The following PTK2 variants were observed in gnomAD, a reference collection of about 807,000 sequenced individuals.
PTK2 encodes protein tyrosine kinase 2, also known as focal adhesion kinase 1.
PTK2 carries 45 observed loss-of-function variants against 150.1 expected under a neutral mutation model. The ratio of observed to expected loss-of-function variants is 0.30; its 90% CI spans 0.24 to 0.38. PTK2 has a LOEUF of 0.38. Among genes scored for constraint, PTK2 ranks in the 10% least tolerant of loss-of-function variants. The pLI is 1.00. For missense variants in PTK2, 919 were observed against 1,307.3 expected (o/e 0.70, Z 4.58); for synonymous variants, 432 against 449.2 (o/e 0.96, Z 0.48).
At chr8:140,977,245 C>T (rs2100189597) in intron 1 of PTK2, among the ~76,000 whole-genome samples, 1 of 151,958 alleles carries the variant, frequency 6.6e-6, no homozygotes, top group Non-Finnish European at 1.5e-5. Context: ...TAAAAATTAG[C>T]CAGGTGTGGT....
At chr8:140,833,930 A>C (rs1028112697) in intron 7 of PTK2, among the ~76,000 whole-genome samples, 2 of 152,140 alleles carry the variant, frequency 1.3e-5, no homozygotes, top group East Asian at 3.8e-4. Context: ...CAAGACACTA[A>C]TATTAGGTTA....
At chr8:140,758,995 G>A (rs1054917499) in intron 16 of PTK2, among the ~76,000 whole-genome samples, 7 of 152,148 alleles carry the variant, frequency 4.6e-5, no homozygotes, top group Non-Finnish European at 1.5e-5. Context: ...TGCCATACAC[G>A]TTTGTAGCCT....
rs528517061 is a variant in PTK2, at chr8:140,917,530, A to G, written c.-33+8131T>C. Among the ~76,000 whole-genome samples, 6 of 152,342 alleles carry G rather than the reference A, an allele frequency of 3.9e-5. No homozygotes were observed. The South Asian group carries it at 1.2e-3, about 32-fold the overall frequency. ...AAGAGAAAAAAGAAAACACAAACTCAATGAAATTAGAATGGCCAAAAGTTT... is the reference window on the plus strand; with the variant it reads ...AAGAGAAAAAAGAAAACACAAACTCGATGAAATTAGAATGGCCAAAAGTTT... On this transcript the variant is annotated intron_variant, in intron 2 of 31. Transcript: ENST00000522684.
intron 7 of PTK2, among the ~76,000 whole-genome samples, chr8:140,845,016 CCA>C (rs1265228643): frequency 2.0e-5 from 3 of 152,104 alleles, no homozygotes; most frequent in African/African-American, 4.8e-5. Flanking sequence ...TAATCAGCCT[CCA>C]GTCAGACTCT....
In PTK2 at chr8:140,973,216, G is replaced by T. The variant is rs73356559; in HGVS notation, c.-122+27909C>A. Among the ~76,000 whole-genome samples, 684 of 152,292 alleles carry T rather than the reference G, an allele frequency of 4.5e-3. 13 individuals carry two copies. The highest frequency in any genetic ancestry group is 0.015 in the African/African-American group (642 of 41,558). On this transcript the variant is annotated intron_variant, in intron 1 of 31. Coordinates refer to ENST00000522684, the Ensembl canonical transcript of PTK2. ...TGCTCAAAGAAAAGTTTGGCCCTTT[G>T]CCCAGATCCTGGGAGGTAATCTTTA...
At chr8:140,857,160 T>C (rs1045641950) in intron 5 of PTK2, among the ~76,000 whole-genome samples, 4 of 152,190 alleles carry the variant, frequency 2.6e-5, no homozygotes, top group Admixed American at 6.5e-5. Context: ...AGTCTCCACA[T>C]AGTGGCCTTT....
At chr8:140,903,434 C>A (rs1009764347) in intron 2 of PTK2, among the ~76,000 whole-genome samples, 1 of 152,128 alleles carries the variant, frequency 6.6e-6, no homozygotes, top group African/African-American at 2.4e-5. Context: ...AGTCAGGTAG[C>A]ATGATGCCTC....
intron 29 of PTK2, 77 bp from the exon 33 acceptor site, chr8:140,669,812 A>C: frequency 7.0e-7 from 1 of 1,427,558 alleles, no homozygotes. Flanking sequence ...AATATTAATA[A>C]AGGCATAAGA....
At chr8:140,706,584 T>A (rs1218760624) in intron 23 of PTK2, among the ~76,000 whole-genome samples, 1 of 151,992 alleles carries the variant, frequency 6.6e-6, no homozygotes, top group Non-Finnish European at 1.5e-5. Flanking sequence ...GGTGGGCGGA[T>A]CCTTTGAGGC....
chr8:140,844,411 A>T (rs2100124116), intron 7 of PTK2, among the ~76,000 whole-genome samples: 1 of 150,300 alleles, frequency 6.7e-6, no homozygotes. Flanking sequence ...TTTTCTATAG[A>T]GGAAATTTGT....
At chr8:140,781,034 C>T (rs1391132589) in intron 14 of PTK2, among the ~76,000 whole-genome samples, 1 of 152,030 alleles carries the variant, frequency 6.6e-6, no homozygotes, top group African/African-American at 2.4e-5. Flanking sequence ...CCATGGTCTC[C>T]TCTTTGTAAA....
chr8:140,962,219 T>TAA lies in PTK2; in HGVS notation c.-121-36472_-121-36471dup, dbSNP rs60163670. 1.2e-3 allele frequency among the ~76,000 whole-genome samples: 108 copies of TAA among 93,656 alleles called. 3 individuals are homozygous for TAA. Among genetic ancestry groups the TAA allele is most frequent in the Middle Eastern group, 5.6e-3 (1 of 180 alleles). 61.4% of individuals were successfully genotyped at this position (93,656 alleles called of 152,430 possible). A position where few individuals can be genotyped will look rare whatever the true frequency, so the allele number is the denominator to read the frequency against. ...CAGAGCAAGACTCTGTCTCAAAATT[T>TAA]AAAAAAAAAAAAAAAGGAAGGAAGA... On this transcript the variant is annotated intron_variant, in intron 1 of 31. Coordinates refer to ENST00000522684, the Ensembl canonical transcript of PTK2.
intron 8 of PTK2, among the ~76,000 whole-genome samples, chr8:140,828,695 ATCC>A (rs1326766959): frequency 3.3e-5 from 5 of 152,162 alleles, no homozygotes; most frequent in African/African-American, 9.7e-5. Flanking sequence ...TGTCTCCACT[ATCC>A]TCCTCACTGC....
chr8:140,992,638 G>C (rs558487978), intron 1 of PTK2, among the ~76,000 whole-genome samples: 1 of 152,270 alleles, frequency 6.6e-6, no homozygotes, highest in East Asian at 1.9e-4. Flanking sequence ...GAGCTTACTG[G>C]AACGTGTGCG....
At chr8:140,961,424 G>A (rs1370651576) in intron 1 of PTK2, among the ~76,000 whole-genome samples, 1 of 152,136 alleles carries the variant, frequency 6.6e-6, no homozygotes, top group African/African-American at 2.4e-5. Context: ...CACTTTTGGA[G>A]GCCAAGGAGA....
chr8:140,776,611 GA>G (rs1472789679), intron 14 of PTK2, among the ~76,000 whole-genome samples: 1 of 152,220 alleles, frequency 6.6e-6, no homozygotes, highest in Admixed American at 6.5e-5. Context: ...CAGCCAGAAG[GA>G]AAGTAGTGCC....
chr8:140,660,485 C>T (rs759769883), intron 31 of PTK2: 10 of 403,428 alleles, frequency 2.5e-5, no homozygotes, highest in East Asian at 7.3e-5. Context: ...GCACTTTGGG[C>T]GGCGGAGGCA....
chr8:140,678,074 T>C (rs983955328), intron 27 of PTK2, among the ~76,000 whole-genome samples: 4 of 152,170 alleles, frequency 2.6e-5, no homozygotes, highest in African/African-American at 9.7e-5. Flanking sequence ...AGTGACTGAG[T>C]CTCACTCTGT....
chr8:140,839,129 C>T (rs1299850502), intron 7 of PTK2, among the ~76,000 whole-genome samples: 2 of 152,116 alleles, frequency 1.3e-5, no homozygotes, highest in East Asian at 3.8e-4. Context: ...TTCTAGGACG[C>T]CCCCAGCACA....
Sources: allele counts gnomAD v4.1 joint callset (sites outside exome capture counted in the v4.1 genomes callset), GRCh38; gene constraint gnomAD v4.1.1; transcripts MANE v1.5; gene names NCBI Gene and HGNC (gene_info 2026-07-23, HGNC 2026-07-21).